HOXD12: variants seen among roughly 807,000 people sequenced by gnomAD.
HOXD12 encodes homeobox protein Hox-D12.
In HOXD12, 21 loss-of-function variants were observed where a neutral mutation model predicts 20.2. The ratio of observed to expected loss-of-function variants is 1.04; its 90% CI spans 0.74 to 1.50. The LOEUF (loss-of-function observed/expected upper bound fraction) is 1.50. Among genes scored for constraint, HOXD12 ranks in the 40% most tolerant of loss-of-function variants. The probability of loss-of-function intolerance (pLI) is 0.00; values close to 1 mark genes in which losing one functional copy is unlikely to be tolerated. For synonymous variants in HOXD12, 196 were observed against 168.8 expected (o/e 1.16, Z -1.25); for missense variants, 472 against 365.5 (o/e 1.29, Z -2.38).
Position 176,102,006 on chromosome 2 carries a change from G to T in HOXD12, c.*1246G>T, listed in dbSNP as rs1689500809. ...GGCATGTCTGGCCTGTCCCAGTGGA[G>T]ACTTTAAGGCCCTGGGCCCTGCCAG... On this transcript the variant is annotated 3_prime_UTR_variant, in exon 2 of 2. Coordinates refer to ENST00000406506, the MANE Select transcript of HOXD12 (RefSeq NM_021193.4). 6.6e-6 allele frequency among the ~76,000 whole-genome samples: 1 copy of T among 152,220 alleles called. No homozygotes were observed. Among genetic ancestry groups the T allele is most frequent in the Non-Finnish European group, 1.5e-5 (1 of 68,034 alleles).
At position 176,100,819 on chromosome 2, in the gene HOXD12, G is replaced by A. The variant is rs996054009; in HGVS notation, c.*59G>A. 1.4e-5 allele frequency: 17 copies of A among 1,174,266 alleles called. No individual in the cohort carries two copies. The highest frequency in any genetic ancestry group is 2.1e-4 in the Middle Eastern group (1 of 4,656). The allele number at this position is 1,174,266 out of a possible 1,614,324, so 72.7% of individuals were successfully genotyped here. A position where few individuals can be genotyped will look rare whatever the true frequency, so the allele number is the denominator to read the frequency against. ...CCTTTTGGACAGAGGCCTTGTTTGGGGAGGGGGATCTGGGGCTAAGGCTAA... is the reference window on the plus strand; with the variant it reads ...CCTTTTGGACAGAGGCCTTGTTTGGAGAGGGGGATCTGGGGCTAAGGCTAA... On this transcript the variant is annotated 3_prime_UTR_variant, in exon 2 of 2. Transcript: ENST00000406506.
Position 176,099,979 on chromosome 2 carries a change from C to T in HOXD12, c.178C>T (p.Pro60Ser), listed in dbSNP as rs777830866. 1.3e-5 allele frequency: 21 copies of T among 1,591,240 alleles called. No homozygotes were observed. The South Asian group carries it at 2.1e-4, about 16-fold the overall frequency. The change falls in exon 1 of 2, where the codon CCC (proline) becomes TCC (serine). Residue 60 changes from proline to serine, a missense_variant. Coordinates refer to ENST00000406506, the MANE Select transcript of HOXD12 (RefSeq NM_021193.4). ...GGCCGCCACGCCCGCCTCCTGCGCC[C>T]CCGCGCAGCCTGCGGGCGCCACTGC... is the stretch of plus-strand genomic sequence containing the variant. The part of the protein sequence containing the change: ...PWAATPASCA[P>S]AQPAGATAFG...
Position 176,100,763 on chromosome 2 carries a change from G to T in HOXD12, c.*3G>T. ...AGCAGGCGCTGGCGCTCTACTAGCC[G>T]CGCGCGTGGCCAGGGCCGGGTTGGA... On this transcript the variant is annotated 3_prime_UTR_variant, in exon 2 of 2. Transcript: ENST00000406506. The T allele has an allele frequency of 6.2e-7, 1 of 1,605,064 alleles. No homozygotes were observed. The highest frequency in any genetic ancestry group is 1.1e-5 in the South Asian group (1 of 90,494).
Position 176,100,279 on chromosome 2 carries a change from C to G in HOXD12, c.478C>G (p.Pro160Ala), listed in dbSNP as rs374833814. ...CCTGCTCCAGGGGGCTCCCTGCGCC[C>G]CTGGCTTCAAGGACGACACCAAGGG... ...TTLLQGAPCA[P>A]GFKDDTKGPL... Residue 160 changes from proline to alanine, a missense_variant, in exon 1 of 2, where the codon CCT becomes GCT. Physicochemically the swap from Pro to Ala is conservative, Grantham distance 27. Transcript: ENST00000406506. The G allele has an allele frequency of 1.2e-6, 2 of 1,612,514 alleles. No individual in the cohort carries two copies. The highest frequency in any genetic ancestry group is 2.7e-5 in the African/African-American group (2 of 74,950).
rs781466996 is a variant in HOXD12, at chr2:176,100,764, C to T, written c.*4C>T. 2 of 1,604,448 alleles carry T rather than the reference C, an allele frequency of 1.2e-6. No homozygotes were observed. Among genetic ancestry groups the T allele is most frequent in the Non-Finnish European group, 1.7e-6 (2 of 1,172,334 alleles). ...GCAGGCGCTGGCGCTCTACTAGCCGCGCGCGTGGCCAGGGCCGGGTTGGAT... is the reference window on the plus strand; with the variant it reads ...GCAGGCGCTGGCGCTCTACTAGCCGTGCGCGTGGCCAGGGCCGGGTTGGAT... On this transcript the variant is annotated 3_prime_UTR_variant, in exon 2 of 2. Coordinates refer to ENST00000406506, the MANE Select transcript of HOXD12 (RefSeq NM_021193.4).
At position 176,100,069 on chromosome 2, in the gene HOXD12, G is replaced by A; in HGVS notation, c.268G>A (p.Ala90Thr). The part of the protein sequence containing the change: ...SGPLGLQPPT[A>T]KDGPEEQAKF... ...GCCTCTCGGCCTGCAGCCCCCAACA[G>A]CCAAAGACGGACCCGAAGAGCAGGC... is the stretch of plus-strand genomic sequence containing the variant. Residue 90 changes from alanine (A) to threonine (T), a missense_variant, in exon 1 of 2, where the codon GCC (alanine) becomes ACC (threonine). Transcript: ENST00000406506. 1.3e-6 allele frequency: 2 copies of A among 1,594,136 alleles called. No individual in the cohort carries two copies.
chr2:176,100,024 C>T lies in HOXD12; in HGVS notation c.223C>T (p.Pro75Ser). 6.4e-7 allele frequency: 1 copy of T among 1,566,886 alleles called. No individual in the cohort carries two copies. Among genetic ancestry groups the T allele is most frequent in the Non-Finnish European group, 8.6e-7 (1 of 1,156,094 alleles). Residue 75 changes from proline to serine, a missense_variant, in exon 1 of 2, where the codon CCC becomes TCC. Transcript: ENST00000406506. Reference protein sequence around the residue: ...GATAFGGFSQPYLAGSGPLGL... With the variant: ...GATAFGGFSQSYLAGSGPLGL... The stretch of plus-strand genomic sequence containing the variant: ...CACTGCCTTCGGCGGCTTCTCGCAG[C>T]CCTACCTGGCTGGCTCCGGGCCTCT...
At position 176,102,450 on chromosome 2, in the gene HOXD12, A is replaced by G. The variant is rs1574947195; in HGVS notation, c.*1690A>G. Among the ~76,000 whole-genome samples, 1 of 152,368 alleles carries G rather than the reference A, an allele frequency of 6.6e-6. No homozygotes were observed. The highest frequency in any genetic ancestry group is 2.1e-4 in the South Asian group (1 of 4,834). The stretch of plus-strand genomic sequence containing the variant: ...TGTATATATCAGACACAATATATAC[A>G]AATGTTTTGAGTGAAAATAAATATC... On this transcript the variant is annotated 3_prime_UTR_variant, in exon 2 of 2. Transcript: ENST00000406506.
At position 176,102,476 on chromosome 2, in the gene HOXD12, C is replaced by G. The variant is rs377093409; in HGVS notation, c.*1716C>G. 1.3e-5 allele frequency among the ~76,000 whole-genome samples: 2 copies of G among 152,114 alleles called. No homozygotes were observed. Among genetic ancestry groups the G allele is most frequent in the Non-Finnish European group, 2.9e-5 (2 of 68,034 alleles). ...AATGTTTTGAGTGAAAATAAATATCCAGGTCTGAGCCAAGCTGTCAAGGAG... is the reference window on the plus strand; with the variant it reads ...AATGTTTTGAGTGAAAATAAATATCGAGGTCTGAGCCAAGCTGTCAAGGAG... On this transcript the variant is annotated 3_prime_UTR_variant, in exon 2 of 2. Transcript: ENST00000406506.
In HOXD12 at chr2:176,100,158, C is replaced by G; in HGVS notation, c.357C>G (p.Phe119Leu). 1 of 1,611,984 alleles carries G rather than the reference C, an allele frequency of 6.2e-7. No homozygotes were observed. Among genetic ancestry groups the G allele is most frequent in the Non-Finnish European group, 8.5e-7 (1 of 1,179,698 alleles). ...PEERGRTRPS[F>L]APESSLAPAV... ...AGCGCGGTCGTACCCGGCCGTCCTT[C>G]GCCCCCGAGTCTAGCCTGGCTCCTG... is the stretch of plus-strand genomic sequence containing the variant. The change falls in exon 1 of 2, where the codon TTC becomes TTG. Residue 119 changes from phenylalanine to leucine, a missense_variant. Physicochemically the swap from Phe to Leu is conservative, Grantham distance 22. Transcript: ENST00000406506.
Position 176,101,670 on chromosome 2 carries a change from G to A in HOXD12, c.*910G>A, listed in dbSNP as rs899027212. On this transcript the variant is annotated 3_prime_UTR_variant, in exon 2 of 2. Coordinates refer to ENST00000406506, the MANE Select transcript of HOXD12 (RefSeq NM_021193.4). The stretch of plus-strand genomic sequence containing the variant: ...TTTGAAGCTCTGTTGCACAGGGAGA[G>A]GGAAAAATATCCAGGGGAGGAGAAG... Among the ~76,000 whole-genome samples, 2 of 152,184 alleles carry A rather than the reference G, an allele frequency of 1.3e-5. No homozygotes were observed. Among genetic ancestry groups the A allele is most frequent in the African/African-American group, 4.8e-5 (2 of 41,442 alleles).
In HOXD12 at chr2:176,101,036, G is replaced by A. The variant is rs1035680537; in HGVS notation, c.*276G>A. ...CTGAGGCCAACTCTCCTTGCTCCTG[G>A]CTGGGGCATTTGCACCCACCGCTCA... On this transcript the variant is annotated 3_prime_UTR_variant, in exon 2 of 2. Transcript: ENST00000406506. 1.3e-5 allele frequency: 7 copies of A among 535,364 alleles called. No individual in the cohort carries two copies. The highest frequency in any genetic ancestry group is 2.0e-5 in the Non-Finnish European group (6 of 302,016). 33.2% of individuals were successfully genotyped at this position (535,364 alleles called of 1,614,324 possible). A position where few individuals can be genotyped will look rare whatever the true frequency, so the allele number is the denominator to read the frequency against.
Position 176,100,589 on chromosome 2 carries a change from T to C in HOXD12, c.642T>C (p.Ile214=), listed in dbSNP as rs1357205674. 1 of 1,613,006 alleles carries C rather than the reference T, an allele frequency of 6.2e-7. No individual in the cohort carries two copies. The highest frequency in any genetic ancestry group is 1.7e-5 in the Admixed American group (1 of 59,918). ...GGAAACCCTACACGAAGCAGCAGAT[T>C]GCGGAGTTGGAGAACGAATTCCTCG... ...KKRKPYTKQQ[I]AELENEFLVN... is the part of the protein sequence containing the mutation. Residue 214 remains isoleucine (I), a synonymous_variant, in exon 2 of 2, where the codon ATT becomes ATC. Transcript: ENST00000406506.
In HOXD12 at chr2:176,101,639, G is replaced by A. The variant is rs987804672; in HGVS notation, c.*879G>A. 1.3e-5 allele frequency among the ~76,000 whole-genome samples: 2 copies of A among 152,180 alleles called. No homozygotes were observed. The highest frequency in any genetic ancestry group is 1.9e-4 in the East Asian group (1 of 5,182). On this transcript the variant is annotated 3_prime_UTR_variant, in exon 2 of 2. Coordinates refer to ENST00000406506, the MANE Select transcript of HOXD12 (RefSeq NM_021193.4). ...CTAGCTCTGGTGAAAGGAGCTGTTG[G>A]TCTGCTTTGAAGCTCTGTTGCACAG...
Position 176,100,994 on chromosome 2 carries a change from G to A in HOXD12, c.*234G>A. The stretch of plus-strand genomic sequence containing the variant: ...CAGTGCAACTCTGGCTGGCCTTAAG[G>A]CTTCCACGTTGGGGGACTGAGGCCA... On this transcript the variant is annotated 3_prime_UTR_variant, in exon 2 of 2. Transcript: ENST00000406506. The A allele has an allele frequency of 1.7e-6, 1 of 583,672 alleles. No homozygotes were observed. The highest frequency in any genetic ancestry group is 2.1e-5 in the South Asian group (1 of 47,148). 36.2% of individuals were successfully genotyped at this position (583,672 alleles called of 1,614,324 possible). A position where few individuals can be genotyped will look rare whatever the true frequency, so the allele number is the denominator to read the frequency against.
chr2:176,101,412 C>G lies in HOXD12; in HGVS notation c.*652C>G, dbSNP rs116433698. Reference sequence around the variant, plus strand: ...TAGTGGGGTAAACTTGGAGATATCTCGAAATGAGAAATGCGAAATAGGCTG... The same window carrying G: ...TAGTGGGGTAAACTTGGAGATATCTGGAAATGAGAAATGCGAAATAGGCTG... On this transcript the variant is annotated 3_prime_UTR_variant, in exon 2 of 2. Coordinates refer to ENST00000406506, the MANE Select transcript of HOXD12 (RefSeq NM_021193.4). Among the ~76,000 whole-genome samples the G allele has an allele frequency of 2.0e-5, 3 of 151,452 alleles. No individual in the cohort carries two copies. Among genetic ancestry groups the G allele is most frequent in the African/African-American group, 7.3e-5 (3 of 41,168 alleles).
Position 176,100,738 on chromosome 2 carries a change from A to G in HOXD12, c.791A>G (p.Glu264Gly), listed in dbSNP as rs752197047. The G allele has an allele frequency of 9.3e-6, 15 of 1,613,442 alleles. No homozygotes were observed. Among genetic ancestry groups the G allele is most frequent in the African/African-American group, 5.3e-5 (4 of 74,936 alleles). ...RMKKKRVVLR[E>G]QALALY is the part of the protein sequence containing the mutation. ...AAGAAGAAGCGCGTGGTGCTTCGGG[A>G]GCAGGCGCTGGCGCTCTACTAGCCG... Residue 264 changes from glutamate (E) to glycine (G), a missense_variant, in exon 2 of 2, where the codon GAG becomes GGG. Physicochemically the swap from Glu to Gly is moderately conservative, Grantham distance 98. Transcript: ENST00000406506.
At position 176,100,249 on chromosome 2, in the gene HOXD12, A is replaced by G; in HGVS notation, c.448A>G (p.Thr150Ala). 6.2e-7 allele frequency: 1 copy of G among 1,612,396 alleles called. No individual in the cohort carries two copies. Among genetic ancestry groups the G allele is most frequent in the African/African-American group, 1.3e-5 (1 of 75,042 alleles). ...TGTGGGTCGTGCCACGCCGGGCTCCACGACCCTGCTCCAGGGGGCTCCCTG... is the reference window on the plus strand; with the variant it reads ...TGTGGGTCGTGCCACGCCGGGCTCCGCGACCCTGCTCCAGGGGGCTCCCTG... ...AGVGRATPGSTTLLQGAPCAP... is the reference protein window; with the variant it reads ...AGVGRATPGSATLLQGAPCAP... Residue 150 changes from threonine (T) to alanine (A), a missense_variant, in exon 1 of 2, where the codon ACG becomes GCG. Thr to Ala is a moderately conservative substitution (Grantham distance 58, BLOSUM62 0). Coordinates refer to ENST00000406506, the MANE Select transcript of HOXD12 (RefSeq NM_021193.4).
rs1365878548 is a variant in HOXD12 at position 176,102,379 on chromosome 2, T to C, written c.*1619T>C. On this transcript the variant is annotated 3_prime_UTR_variant, in exon 2 of 2. Transcript: ENST00000406506. ...TAATTTCATTTTCTAGGCTATCTAA[T>C]AGTTATCATGCATGTTTTGTTTTGA... is the stretch of plus-strand genomic sequence containing the variant. Among the ~76,000 whole-genome samples the C allele has an allele frequency of 6.6e-6, 1 of 152,222 alleles. No individual in the cohort carries two copies. Among genetic ancestry groups the C allele is most frequent in the African/African-American group, 2.4e-5 (1 of 41,438 alleles).
Sources: allele counts gnomAD v4.1 joint callset (sites outside exome capture counted in the v4.1 genomes callset), GRCh38; gene constraint gnomAD v4.1.1; transcripts MANE v1.5; gene names NCBI Gene and HGNC (gene_info 2026-07-23, HGNC 2026-07-21).